The following DGKH variants were observed in gnomAD, a reference collection of about 807,000 sequenced individuals.
The protein encoded by DGKH is diacylglycerol kinase eta.
A neutral mutation model predicts 159.3 loss-of-function variants in DGKH; 90 were observed. The ratio of observed to expected loss-of-function variants is 0.57; its 90% CI spans 0.48 to 0.67. The LOEUF (loss-of-function observed/expected upper bound fraction) is 0.67. Ranked by LOEUF, DGKH falls within the 30% of genes least tolerant of loss-of-function variation. The pLI is 0.00. For synonymous variants in DGKH, 536 were observed against 553.8 expected, an observed-to-expected ratio of 0.97 and a Z score of 0.45; for missense variants, 1,181 against 1,506.1, an observed-to-expected ratio of 0.78 and a Z score of 3.57.
chr13:42,167,518 G>C (rs1323918399), intron 9 of DGKH, among the ~76,000 whole-genome samples: 1 of 152,070 alleles, frequency 6.6e-6, no homozygotes, highest in Non-Finnish European at 1.5e-5. Context: ...TTTGCCCCCT[G>C]AGTCTTCCTT....
rs1477852816 is a variant in DGKH at position 42,189,248 on chromosome 13, C to A, written c.1851C>A (p.Ile617=). ...AGAAAGCCGTCAAACCAAGGGAAAT[C>A]ATGTTGCGGGCAAATAGTTTAAAGA... ...SSQKAVKPRE[I]MLRANSLKKA... Residue 617 remains isoleucine, a synonymous_variant, in exon 15 of 30, where the codon ATC becomes ATA. Coordinates refer to ENST00000337343, the MANE Select transcript of DGKH (RefSeq NM_178009.5). 7 of 1,614,062 alleles carry A rather than the reference C, an allele frequency of 4.3e-6. No individual in the cohort carries two copies. The highest frequency in any genetic ancestry group is 1.1e-5 in the South Asian group (1 of 91,072).
chr13:42,219,103 C>T, intron 26 of DGKH, 127 bp from the exon 27 acceptor site: 1 of 1,195,576 alleles, frequency 8.4e-7, no homozygotes, highest in Non-Finnish European at 1.1e-6. Flanking sequence ...CTTAATATTC[C>T]TTAATTTAAA....
At chr13:42,069,486 T>C in intron 1 of DGKH, 5 of 1,566,908 alleles carry the variant, frequency 3.2e-6, no homozygotes, top group Non-Finnish European at 4.4e-6. Context: ...GGAAACTAAA[T>C]TGAATAGTTC....
chr13:42,040,341 T>C (rs1316443805), intron 1 of DGKH, among the ~76,000 whole-genome samples: 1 of 152,092 alleles, frequency 6.6e-6, no homozygotes, highest in Non-Finnish European at 1.5e-5. Context: ...GCCCGGGCTT[T>C]CCTCGCCGCT....
chr13:42,118,095 T>C (rs1340514383), intron 1 of DGKH, among the ~76,000 whole-genome samples: 2 of 152,084 alleles, frequency 1.3e-5, no homozygotes, highest in Non-Finnish European at 2.9e-5. Context: ...CGGGCGCCTG[T>C]AGTCCCAGCT....
chr13:42,151,531 G>GTATATATATATATACACGTGTA (rs1566134589), intron 3 of DGKH, among the ~76,000 whole-genome samples: 6 of 98,094 alleles, frequency 6.1e-5, no homozygotes, highest in African/African-American at 1.1e-4. Context: ...ATATACACGT[G>GTATATATATATATACACGTGTA]TATATATATA....
intron 1 of DGKH, among the ~76,000 whole-genome samples, chr13:42,073,717 T>C (rs1253581413): frequency 6.6e-6 from 1 of 152,192 alleles, no homozygotes; most frequent in African/African-American, 2.4e-5. Flanking sequence ...CCATTGTAAG[T>C]TGAGGAGCAT....
Position 42,160,043 on chromosome 13 carries a change from C to T in DGKH, c.762C>T (p.Asn254=), listed in dbSNP as rs756049566. The change falls in exon 7 of 30, where the codon AAC becomes AAT. Residue 254 remains asparagine, a synonymous_variant. Transcript: ENST00000337343. ...VAMPHQWLEG[N]LPVSAKCAVC... The stretch of plus-strand genomic sequence containing the variant: ...TGCCTCACCAGTGGCTTGAGGGCAA[C>T]CTGCCTGTAAGTGCCAAGTGTGCTG... 1 of 1,614,178 alleles carries T rather than the reference C, an allele frequency of 6.2e-7. No homozygotes were observed. Among genetic ancestry groups the T allele is most frequent in the Non-Finnish European group, 8.5e-7 (1 of 1,180,038 alleles).
intron 29 of DGKH, among the ~76,000 whole-genome samples, chr13:42,249,562 G>A (rs969322126): frequency 6.6e-6 from 1 of 152,184 alleles, no homozygotes; most frequent in African/African-American, 2.4e-5. Flanking sequence ...TGCAGGACAC[G>A]TGGTCTCTGT....
rs1958285635 is a variant in DGKH at position 42,231,238 on chromosome 13, C to G, written c.*2050C>G. The G allele has an allele frequency of 6.6e-6, 1 of 152,124 alleles. No individual in the cohort carries two copies. Among genetic ancestry groups the G allele is most frequent in the Admixed American group, 6.6e-5 (1 of 15,242 alleles). The allele number at this position is 152,124 out of a possible 1,614,324, so 9.4% of individuals were successfully genotyped here. A position where few individuals can be genotyped will look rare whatever the true frequency, so the allele number is the denominator to read the frequency against. Reference sequence around the variant, plus strand: ...GTGTGGTGGCACGCACCTGTAATCCCAGCTACTCGGGAGGCTGAGGCAGGA... The same window carrying G: ...GTGTGGTGGCACGCACCTGTAATCCGAGCTACTCGGGAGGCTGAGGCAGGA... On this transcript the variant is annotated 3_prime_UTR_variant, in exon 30 of 30. Transcript: ENST00000337343.
In DGKH at chr13:42,197,252, C is replaced by CAA. The variant is rs71703387; in HGVS notation, c.2168-1209_2168-1208dup. Among the ~76,000 whole-genome samples, 350 of 86,206 alleles carry CAA rather than the reference C, an allele frequency of 4.1e-3. 4 individuals carry two copies. The highest frequency in any genetic ancestry group is 0.012 in the African/African-American group (334 of 28,362). 56.6% of individuals were successfully genotyped at this position (86,206 alleles called of 152,430 possible). ...GCAACAGAGTGAGACTCTATCTCAA[C>CAA]AAAAAAAAAAAAAAAAAAGAAAGAA... On this transcript the variant is annotated intron_variant, in intron 17 of 29. Transcript: ENST00000337343.
chr13:42,252,948 A>C (rs529816977), intron 30 of DGKH, among the ~76,000 whole-genome samples: 1 of 152,226 alleles, frequency 6.6e-6, no homozygotes, highest in African/African-American at 2.4e-5. Flanking sequence ...GGGTATCACT[A>C]TGTTGGCCAG....
rs1046349643 is a variant in DGKH, at chr13:42,068,935, G to C, written c.192+19970G>C. The C allele has an allele frequency of 6.4e-6, 9 of 1,396,514 alleles. No homozygotes were observed. In the African/African-American group the frequency reaches 1.3e-4, roughly 20 times the overall value. 86.5% of individuals were successfully genotyped at this position (1,396,514 alleles called of 1,614,324 possible). ...AGATAAATGTCTGCTGAGTGTTTTAGTTCAGATGTTCAGAATGCCGCTGTA... is the reference window on the plus strand; with the variant it reads ...AGATAAATGTCTGCTGAGTGTTTTACTTCAGATGTTCAGAATGCCGCTGTA... On this transcript the variant is annotated intron_variant, in intron 1 of 29. Coordinates refer to ENST00000337343, the MANE Select transcript of DGKH (RefSeq NM_178009.5).
At chr13:42,173,998 G>T in intron 11 of DGKH, 62 bp from the exon 12 acceptor site, 5 of 1,212,462 alleles carry the variant, frequency 4.1e-6, no homozygotes, top group Non-Finnish European at 6.1e-6. Context: ...TTTATGAGAT[G>T]CTAACAGTTA....
chr13:42,146,150 C>CTTTTTTTTTTTTTTT lies in DGKH; in HGVS notation c.385-9137_385-9123dup, dbSNP rs57139526. 3.6e-5 allele frequency among the ~76,000 whole-genome samples: 4 copies of CTTTTTTTTTTTTTTT among 110,278 alleles called. 1 individual carries two copies. Among genetic ancestry groups the CTTTTTTTTTTTTTTT allele is most frequent in the Non-Finnish European group, 7.1e-5 (4 of 56,260 alleles). 72.3% of individuals were successfully genotyped at this position (110,278 alleles called of 152,430 possible). On this transcript the variant is annotated intron_variant, in intron 3 of 29. Coordinates refer to ENST00000337343, the MANE Select transcript of DGKH (RefSeq NM_178009.5). Reference sequence around the variant, plus strand: ...TGTAAGAGTTCAGATTCTGGGGAGGCTTTTTTTTTTTTTTTTTTGTACAGG... The same window carrying CTTTTTTTTTTTTTTT: ...TGTAAGAGTTCAGATTCTGGGGAGGCTTTTTTTTTTTTTTTTTTTTTTTTTTTTTTTTTGTACAGG...
At chr13:42,195,114 A>C in intron 17 of DGKH, 98 bp downstream of exon 17, 1 of 1,430,002 alleles carries the variant, frequency 7.0e-7, no homozygotes, top group Non-Finnish European at 9.4e-7. Context: ...CTTAAAGATA[A>C]ATATTCTTTA....
intron 1 of DGKH, among the ~76,000 whole-genome samples, chr13:42,078,276 G>T (rs1295590288): frequency 1.3e-5 from 2 of 152,188 alleles, no homozygotes; most frequent in Non-Finnish European, 1.5e-5. Context: ...GAAAATCAGA[G>T]GCTGCCACTG....
intron 1 of DGKH, among the ~76,000 whole-genome samples, chr13:42,050,418 G>GT (rs1294194296): frequency 1.6e-4 from 25 of 152,142 alleles, no homozygotes. Flanking sequence ...ATACATGTGT[G>GT]TAAGAACAAC....
chr13:42,134,002 C>G (rs1312956158), intron 3 of DGKH, among the ~76,000 whole-genome samples: 2 of 152,226 alleles, frequency 1.3e-5, no homozygotes, highest in African/African-American at 4.8e-5. Context: ...CCAGGAATGG[C>G]CAAATTCGAC....
Sources: allele counts gnomAD v4.1 joint callset (sites outside exome capture counted in the v4.1 genomes callset), GRCh38; gene constraint gnomAD v4.1.1; transcripts MANE v1.5; gene names NCBI Gene and HGNC (gene_info 2026-07-23, HGNC 2026-07-21).